Variants in NLK observed in about 807,000 individuals in gnomAD.
The protein encoded by NLK is nemo like kinase, also known as serine/threonine-protein kinase NLK.
Under a neutral mutation model 59.0 loss-of-function variants are expected in NLK, and 11 were observed. The observed-to-expected ratio is 0.19, with a 90% CI of 0.12 to 0.31. The LOEUF (loss-of-function observed/expected upper bound fraction) is 0.31, where lower values mean the gene tolerates loss of function less well. Among genes scored for constraint, NLK ranks in the 10% least tolerant of loss-of-function variants. NLK has a pLI of 1.00. For synonymous variants in NLK, 235 were observed against 235.9 expected (o/e 1.00, Z 0.03); for missense variants, 410 against 661.1 (o/e 0.62, Z 4.16).
chr17:28,153,341 A>G (rs1211067240), intron 3 of NLK, among the ~76,000 whole-genome samples: 1 of 152,030 alleles, frequency 6.6e-6, no homozygotes, highest in East Asian at 1.9e-4. Flanking sequence ...ACAAAATACC[A>G]TAAACTGGGT....
At position 28,087,796 on chromosome 17, in the gene NLK, G is replaced by A. The variant is rs192884589; in HGVS notation, c.459-34807G>A. On this transcript the variant is annotated intron_variant, in intron 1 of 10. Coordinates refer to ENST00000407008, the MANE Select transcript of NLK (RefSeq NM_016231.5). Reference sequence around the variant, plus strand: ...TGTTAGGTAGATGGTTAGCTTGGATGATTTCTAAGATTCCTTTTGGTCCTG... The same window carrying A: ...TGTTAGGTAGATGGTTAGCTTGGATAATTTCTAAGATTCCTTTTGGTCCTG... Among the ~76,000 whole-genome samples the A allele has an allele frequency of 1.1e-3, 172 of 152,302 alleles. 1 individual carries two copies. The highest frequency in any genetic ancestry group is 1.8e-3 in the Non-Finnish European group (123 of 68,016).
At chr17:28,171,952 T>G (rs1050725779) in intron 6 of NLK, among the ~76,000 whole-genome samples, 7 of 151,670 alleles carry the variant, frequency 4.6e-5, no homozygotes, top group African/African-American at 1.7e-4. Flanking sequence ...AACTTTTAAA[T>G]AATAGGATAA....
chr17:28,172,607 C>T lies in NLK; in HGVS notation c.1138C>T (p.Pro380Ser). 1 of 1,555,114 alleles carries T rather than the reference C, an allele frequency of 6.4e-7. No individual in the cohort carries two copies. Among genetic ancestry groups the T allele is most frequent in the Non-Finnish European group, 8.7e-7 (1 of 1,150,438 alleles). The change falls in exon 7 of 11, where the codon CCT (proline) becomes TCT (serine). Residue 380 changes from proline to serine, a missense_variant. Pro to Ser is a moderately conservative substitution (Grantham distance 74). Coordinates refer to ENST00000407008, the MANE Select transcript of NLK (RefSeq NM_016231.5). ...EGAKAHILRG[P>S]HKQPSLPVLY... ...CGCTAAGGCACATATACTCAGGGGTCCTCATAAACAGGTGAGAGGAGGGGG... is the reference window on the plus strand; with the variant it reads ...CGCTAAGGCACATATACTCAGGGGTTCTCATAAACAGGTGAGAGGAGGGGG...
chr17:28,050,249 G>A (rs895727735), intron 1 of NLK, among the ~76,000 whole-genome samples: 1 of 152,146 alleles, frequency 6.6e-6, no homozygotes, highest in African/African-American at 2.4e-5. Flanking sequence ...TTAAGAATGA[G>A]AGTCAACCAA....
At chr17:28,164,873 G>C (rs992308271) in intron 5 of NLK, among the ~76,000 whole-genome samples, 2 of 152,092 alleles carry the variant, frequency 1.3e-5, no homozygotes, top group Non-Finnish European at 1.5e-5. Flanking sequence ...TGATTTCTCT[G>C]AACTGTAGGT....
intron 1 of NLK, among the ~76,000 whole-genome samples, chr17:28,088,078 C>T (rs1168387627): frequency 6.6e-6 from 1 of 152,178 alleles, no homozygotes; most frequent in Admixed American, 6.5e-5. Context: ...TTATCACAAT[C>T]TGTATGTTAC....
intron 2 of NLK, among the ~76,000 whole-genome samples, chr17:28,123,842 G>A (rs760436009): frequency 3.9e-5 from 6 of 152,004 alleles, no homozygotes; most frequent in Non-Finnish European, 8.8e-5. Context: ...ATTAGAATAT[G>A]TTTTCATTTT....
intron 1 of NLK, among the ~76,000 whole-genome samples, chr17:28,089,529 A>G (rs896332422): frequency 1.3e-5 from 2 of 152,078 alleles, no homozygotes; most frequent in Admixed American, 1.3e-4. Context: ...GCTATTAGAA[A>G]CAAAACTCCT....
chr17:28,151,803 G>T (rs1907492005), intron 3 of NLK, among the ~76,000 whole-genome samples: 1 of 152,176 alleles, frequency 6.6e-6, no homozygotes, highest in Non-Finnish European at 1.5e-5. Flanking sequence ...ATAGAAGGTT[G>T]AATGAAAGGT....
In NLK at chr17:28,163,643, T is replaced by C. The variant is rs1908102687; in HGVS notation, c.837+15T>C. On this transcript the variant is annotated intron_variant, in intron 5 of 10. Coordinates refer to ENST00000407008, the MANE Select transcript of NLK (RefSeq NM_016231.5). The stretch of plus-strand genomic sequence containing the variant: ...GTGTTCTAAAGGTAGCTTTTCAGTT[T>C]ATTTAAATACCTGGGAAAAATCAGA... The C allele has an allele frequency of 3.4e-6, 5 of 1,459,974 alleles. No individual in the cohort carries two copies. Among genetic ancestry groups the C allele is most frequent in the Non-Finnish European group, 3.8e-6 (4 of 1,048,526 alleles). The allele number at this position is 1,459,974 out of a possible 1,614,324, so 90.4% of individuals were successfully genotyped here. A position where few individuals can be genotyped will look rare whatever the true frequency, so the allele number is the denominator to read the frequency against.
intron 1 of NLK, among the ~76,000 whole-genome samples, chr17:28,070,942 T>C (rs1909986763): frequency 6.6e-6 from 1 of 152,240 alleles, no homozygotes; most frequent in African/African-American, 2.4e-5. Flanking sequence ...TCTAGTCTTA[T>C]GTTAATGCCA....
intron 1 of NLK, among the ~76,000 whole-genome samples, chr17:28,089,500 G>T: frequency 6.8e-6 from 1 of 146,870 alleles, no homozygotes; most frequent in African/African-American, 2.5e-5. Flanking sequence ...ATGAACATTT[G>T]AGTTATTTCT....
chr17:28,200,802 A>AT (rs999060239), downstream of NLK, among the ~76,000 whole-genome samples: 33 of 149,766 alleles, frequency 2.2e-4, no homozygotes, highest in South Asian at 4.2e-4. Context: ...CTTAAAAAAA[A>AT]TTTTTTTTTT....
chr17:28,077,143 C>T (rs551870996), intron 1 of NLK, among the ~76,000 whole-genome samples: 13 of 140,956 alleles, frequency 9.2e-5, no homozygotes, highest in African/African-American at 3.4e-4. Context: ...ACCTCCTTTC[C>T]CTGCCTTCTT....
At position 28,195,918 on chromosome 17, in the gene NLK, A is replaced by G. The variant is rs1909470777; in HGVS notation, c.*1282A>G. 6.6e-6 allele frequency: 1 copy of G among 152,654 alleles called. No homozygotes were observed. Among genetic ancestry groups the G allele is most frequent in the Non-Finnish European group, 1.5e-5 (1 of 68,044 alleles). 9.5% of individuals were successfully genotyped at this position (152,654 alleles called of 1,614,324 possible). ...TTGAAGATCATTTTTCACCTGTACA[A>G]GGAATACTAATGGATCGTCTTAAAA... On this transcript the variant is annotated 3_prime_UTR_variant, in exon 11 of 11. Transcript: ENST00000407008.
intron 2 of NLK, among the ~76,000 whole-genome samples, chr17:28,123,476 T>C (rs1172744431): frequency 6.6e-6 from 1 of 152,162 alleles, no homozygotes; most frequent in Non-Finnish European, 1.5e-5. Flanking sequence ...CAGGTAAATA[T>C]TGATGCAAAG....
rs1909675316 is a variant in NLK, at chr17:28,061,967, A to G, written c.458+18636A>G. On this transcript the variant is annotated intron_variant, in intron 1 of 10. Coordinates refer to ENST00000407008, the MANE Select transcript of NLK (RefSeq NM_016231.5). The stretch of plus-strand genomic sequence containing the variant: ...TTTTTTTTAAGAAAACAGTGCCATC[A>G]TGTCAGCTTTAGTTCAAGCAGTTGC... 3 of 147,254 alleles carry G rather than the reference A, an allele frequency of 2.0e-5. No homozygotes were observed. The East Asian group carries it at 5.9e-4, about 29-fold the overall frequency. 9.1% of individuals were successfully genotyped at this position (147,254 alleles called of 1,614,324 possible). A position where few individuals can be genotyped will look rare whatever the true frequency, so the allele number is the denominator to read the frequency against.
intron 6 of NLK, among the ~76,000 whole-genome samples, chr17:28,171,997 A>G (rs1193697110): frequency 6.6e-6 from 1 of 151,644 alleles, no homozygotes; most frequent in East Asian, 1.9e-4. Context: ...TAGGAATAGG[A>G]TAAATAGAAA....
Position 28,191,177 on chromosome 17 carries a change from G to A in NLK, c.1393G>A (p.Asp465Asn). ...FEPVTNPKFD[D>N]TFEKNLSSVR... ...GCCTGTCACCAATCCCAAATTTGAT[G>A]ACACTTTCGAGAAGAACCTCAGTTC... Residue 465 changes from aspartate to asparagine, a missense_variant, in exon 9 of 11, where the codon GAC (aspartate) becomes AAC (asparagine). Around this residue, in one of 5 missense-constraint regions of NLK, gnomAD observed 150 missense variants for 244.3 expected, o/e 0.61. Coordinates refer to ENST00000407008, the MANE Select transcript of NLK (RefSeq NM_016231.5). 1 of 1,613,122 alleles carries A rather than the reference G, an allele frequency of 6.2e-7. No individual in the cohort carries two copies. The highest frequency in any genetic ancestry group is 8.5e-7 in the Non-Finnish European group (1 of 1,179,630).
Sources: gnomAD v4.1 joint callset for allele counts (sites outside exome capture counted in the v4.1 genomes callset) on GRCh38, gnomAD v4.1.1 for gene constraint, gnomAD v4.1.1 regional missense constraint, MANE v1.5 for transcripts, NCBI Gene and HGNC (gene_info 2026-07-23, HGNC 2026-07-21) for gene names.